NCOA2: variants seen among roughly 807,000 people sequenced by gnomAD.
The protein encoded by NCOA2 is class E basic helix-loop-helix protein 75.
NCOA2 carries 21 observed loss-of-function variants against 145.1 expected under a neutral mutation model. The ratio of observed to expected loss-of-function variants is 0.14; its 90% CI spans 0.10 to 0.21. The LOEUF (loss-of-function observed/expected upper bound fraction) is 0.21, where lower values mean the gene tolerates loss of function less well. Among genes scored for constraint, NCOA2 ranks in the 10% least tolerant of loss-of-function variants. The pLI, the probability that NCOA2 is intolerant of heterozygous loss-of-function variation, is 1.00. For missense variants in NCOA2, 1,472 were observed against 1,837.6 expected, an observed-to-expected ratio of 0.80 and a Z score of 3.64; for synonymous variants, 619 against 637.5, an observed-to-expected ratio of 0.97 and a Z score of 0.44.
At chr8:70,160,682 GGAGA>G (rs57991576) in intron 9 of NCOA2, among the ~76,000 whole-genome samples, 3 of 58,302 alleles carry the variant, frequency 5.1e-5, no homozygotes, top group Non-Finnish European at 9.8e-5. Flanking sequence ...AGAGAGAGAG[GGAGA>G]GAGAGAGAGA....
At chr8:70,341,206 G>A (rs1218306914) in intron 1 of NCOA2, among the ~76,000 whole-genome samples, 1 of 151,882 alleles carries the variant, frequency 6.6e-6, no homozygotes, top group Non-Finnish European at 1.5e-5. Flanking sequence ...GATATAGTGA[G>A]ACCCTATCTC....
chr8:70,289,641 T>A (rs1419497242), intron 2 of NCOA2, among the ~76,000 whole-genome samples: 2 of 152,036 alleles, frequency 1.3e-5, no homozygotes, highest in Non-Finnish European at 2.9e-5. Context: ...ACTGTTGGTT[T>A]AAAAAAAGGA....
At chr8:70,364,359 A>C (rs1810484462) in intron 1 of NCOA2, among the ~76,000 whole-genome samples, 1 of 152,252 alleles carries the variant, frequency 6.6e-6, no homozygotes, top group Non-Finnish European at 1.5e-5. Flanking sequence ...AAAGCATTAA[A>C]AAAATTACTT....
chr8:70,216,890 T>A (rs2133949075), intron 2 of NCOA2, 126 bp from the exon 3 acceptor site: 2 of 522,082 alleles, frequency 3.8e-6, no homozygotes, highest in East Asian at 2.9e-5. Flanking sequence ...TAATTAACAT[T>A]GTTTTATGTG....
chr8:70,216,820 T>C (rs998453358), intron 2 of NCOA2, 56 bp from the exon 3 acceptor site: 5 of 1,087,910 alleles, frequency 4.6e-6, no homozygotes, highest in Non-Finnish European at 7.0e-6. Context: ...GATGATGAAG[T>C]GTCTGATCAT....
chr8:70,297,041 G>A (rs1376023803), intron 1 of NCOA2, among the ~76,000 whole-genome samples: 1 of 152,162 alleles, frequency 6.6e-6, no homozygotes, highest in East Asian at 1.9e-4. Flanking sequence ...ATTTCATTGT[G>A]AATTATGAAG....
At chr8:70,385,402 C>T (rs1812573477) in intron 1 of NCOA2, among the ~76,000 whole-genome samples, 1 of 152,156 alleles carries the variant, frequency 6.6e-6, no homozygotes, top group South Asian at 2.1e-4. Flanking sequence ...AACTGAAAAA[C>T]AAATACTCTT....
At chr8:70,175,844 T>C (rs969257003) in intron 4 of NCOA2, among the ~76,000 whole-genome samples, 3 of 150,432 alleles carry the variant, frequency 2.0e-5, no homozygotes, top group African/African-American at 7.3e-5. Flanking sequence ...CACTCAGAAT[T>C]AACCTGCTTT....
intron 2 of NCOA2, among the ~76,000 whole-genome samples, chr8:70,274,712 G>C (rs535371302): frequency 6.6e-6 from 1 of 152,146 alleles, no homozygotes; most frequent in South Asian, 2.1e-4. Flanking sequence ...AAATAACTCC[G>C]AAAGATACTG....
chr8:70,112,017 AC>A lies in NCOA2; in HGVS notation c.*1614del, dbSNP rs1806580562. The A allele has an allele frequency of 4.6e-6, 1 of 215,610 alleles. No homozygotes were observed. Among genetic ancestry groups the A allele is most frequent in the South Asian group, 1.9e-4 (1 of 5,380 alleles). The allele number at this position is 215,610 out of a possible 1,614,324, so 13.4% of individuals were successfully genotyped here. On this transcript the variant is annotated 3_prime_UTR_variant, in exon 23 of 23. Transcript: ENST00000452400. ...CCTATTAATAAAAGATTTTTCCCCT[AC>A]CAGAGTGGGCAAGAAAAACAACCAT...
chr8:70,174,254 C>G (rs1382302582), intron 5 of NCOA2, among the ~76,000 whole-genome samples: 3 of 152,174 alleles, frequency 2.0e-5, no homozygotes, highest in African/African-American at 7.2e-5. Flanking sequence ...TAAGACCAAC[C>G]TTATGCTTCT....
Position 70,156,490 on chromosome 8 carries a change from T to A in NCOA2, c.1875A>T (p.Arg625Ser). ...PNLPPAVSSE[R>S]ADGQSRLHDS... ...CATGCAGTCTGCTCTGCCCGTCAGC[T>A]CTCTCACTGCTCACGGCCGGGGGCA... The change falls in exon 11 of 23, where the codon AGA (arginine) becomes AGT (serine). Residue 625 changes from arginine (R) to serine (S), a missense_variant. By Grantham distance (110) the Arg-to-Ser change is moderately radical. This residue lies in a region of NCOA2 where 953 missense variants were observed against 1,062.1 expected (regional missense o/e 0.90). Coordinates refer to ENST00000452400, the MANE Select transcript of NCOA2 (RefSeq NM_006540.4). 1 of 1,613,912 alleles carries A rather than the reference T, an allele frequency of 6.2e-7. No individual in the cohort carries two copies.
the NCOA2 span, among the ~76,000 whole-genome samples, chr8:70,453,955 C>G: frequency 6.6e-6 from 1 of 152,130 alleles, no homozygotes; most frequent in Admixed American, 6.5e-5. Flanking sequence ...GGGTGAGATC[C>G]TTGTGAGATG....
intron 2 of NCOA2, among the ~76,000 whole-genome samples, chr8:70,257,928 CTTTTTTT>C (rs538210333): frequency 6.7e-5 from 10 of 149,826 alleles, no homozygotes; most frequent in East Asian, 3.9e-4. Context: ...TTTCTTTTTT[CTTTTTTT>C]GAGACTCTGT....
At chr8:70,116,606 C>T (rs909530070) in intron 22 of NCOA2, among the ~76,000 whole-genome samples, 4 of 152,040 alleles carry the variant, frequency 2.6e-5, no homozygotes, top group African/African-American at 7.2e-5. Flanking sequence ...GAGCTTATTA[C>T]GGAAACACGG....
At chr8:70,365,477 TTATC>T (rs1810611071) in intron 1 of NCOA2, among the ~76,000 whole-genome samples, 1 of 152,250 alleles carries the variant, frequency 6.6e-6, no homozygotes, top group Non-Finnish European at 1.5e-5. Flanking sequence ...CCTTCTCTGA[TTATC>T]TATGTAGTCT....
rs1346223968 is a variant in NCOA2 at position 70,124,569 on chromosome 8, C to T, written c.4094+119G>A. On this transcript the variant is annotated intron_variant, in intron 20 of 22. Transcript: ENST00000452400. ...TGGAAGGCGGTGACCTAGAAGCCAT[C>T]CTTTATCACTACGTTTGATAAAAAC... The T allele has an allele frequency of 5.7e-6, 6 of 1,046,560 alleles. No individual in the cohort carries two copies. In the East Asian group the frequency reaches 1.4e-4, roughly 24 times the overall value. 64.8% of individuals were successfully genotyped at this position (1,046,560 alleles called of 1,614,324 possible).
chr8:70,151,268 G>C (rs1811718678), intron 11 of NCOA2, among the ~76,000 whole-genome samples: 1 of 151,282 alleles, frequency 6.6e-6, no homozygotes. Flanking sequence ...TATATATTAA[G>C]AACAGTCTAG....
At chr8:70,452,557 T>C in the NCOA2 span, among the ~76,000 whole-genome samples, 1 of 152,090 alleles carries the variant, frequency 6.6e-6, no homozygotes, top group Non-Finnish European at 1.5e-5. Flanking sequence ...GAAAAGAGAA[T>C]GGGGAGTCAC....
Sources: allele counts gnomAD v4.1 joint callset (sites outside exome capture counted in the v4.1 genomes callset), GRCh38; gene constraint gnomAD v4.1.1; regional missense constraint gnomAD v4.1.1; transcripts MANE v1.5; gene names NCBI Gene and HGNC (gene_info 2026-07-23, HGNC 2026-07-21).